The following DLGAP4 variants were observed in gnomAD, a reference collection of about 807,000 sequenced individuals.
DLGAP4 encodes disks large-associated protein 4.
DLGAP4 carries 18 observed loss-of-function variants against 86.9 expected under a neutral mutation model. The ratio of observed to expected loss-of-function variants is 0.21; its 90% CI spans 0.14 to 0.31. DLGAP4 has a LOEUF of 0.31. Among genes scored for constraint, DLGAP4 ranks in the 10% least tolerant of loss-of-function variants. The probability of loss-of-function intolerance (pLI) is 1.00; values close to 1 mark genes in which losing one functional copy is unlikely to be tolerated. For synonymous variants in DLGAP4, 548 were observed against 574.3 expected, an observed-to-expected ratio of 0.95 and a Z score of 0.65; for missense variants, 1,085 against 1,362.6, an observed-to-expected ratio of 0.80 and a Z score of 3.21.
chr20:36,313,611 G>A (rs2065071743), intron 1 of DLGAP4, among the ~76,000 whole-genome samples: 1 of 152,094 alleles, frequency 6.6e-6, no homozygotes, highest in South Asian at 2.1e-4. Context: ...TGCTGGGGGG[G>A]CAGGGCCGTG....
chr20:36,403,784 G>A (rs1358156970), intron 2 of DLGAP4, among the ~76,000 whole-genome samples: 1 of 152,226 alleles, frequency 6.6e-6, no homozygotes, highest in African/African-American at 2.4e-5. Flanking sequence ...CTCTCATTAG[G>A]TTGCAGTCAG....
chr20:36,323,128 T>C (rs2065185036), intron 1 of DLGAP4, among the ~76,000 whole-genome samples: 1 of 142,016 alleles, frequency 7.0e-6, no homozygotes, highest in Admixed American at 7.6e-5. Flanking sequence ...CAGTGAGCCA[T>C]GTTCTCACCA....
intron 2 of DLGAP4, among the ~76,000 whole-genome samples, chr20:36,371,470 C>A (rs915912320): frequency 6.6e-6 from 1 of 152,206 alleles, no homozygotes; most frequent in African/African-American, 2.4e-5. Flanking sequence ...CGGTAGGAGA[C>A]CTGTGTGACA....
At chr20:36,389,931 G>T (rs2031730082) in intron 2 of DLGAP4, among the ~76,000 whole-genome samples, 1 of 152,184 alleles carries the variant, frequency 6.6e-6, no homozygotes, top group African/African-American at 2.4e-5. Flanking sequence ...AAAGGCTCTG[G>T]GGTTCAGAGG....
chr20:36,330,941 C>CTGT (rs1324070805), intron 1 of DLGAP4, among the ~76,000 whole-genome samples: 1 of 152,152 alleles, frequency 6.6e-6, no homozygotes, highest in Non-Finnish European at 1.5e-5. Flanking sequence ...GCTATTGTCA[C>CTGT]TGTTGTTGTT....
Position 36,356,382 on chromosome 20 carries a change from G to A in DLGAP4, c.-303-10663G>A, listed in dbSNP as rs1369936422. Among the ~76,000 whole-genome samples, 5 of 152,294 alleles carry A rather than the reference G, an allele frequency of 3.3e-5. No individual in the cohort carries two copies. The East Asian group carries it at 9.6e-4, about 29-fold the overall frequency. The stretch of plus-strand genomic sequence containing the variant: ...GCTGGAGTGCAATGGTGCGATCTTG[G>A]CTCACTGCAACCTCCGCCTCCTGGG... On this transcript the variant is annotated intron_variant, in intron 1 of 12. Coordinates refer to ENST00000339266, the MANE Select transcript of DLGAP4 (RefSeq NM_001365621.2).
chr20:36,360,449 T>C (rs2030478899), intron 1 of DLGAP4, among the ~76,000 whole-genome samples: 1 of 152,138 alleles, frequency 6.6e-6, no homozygotes, highest in Non-Finnish European at 1.5e-5. Context: ...ACACTCCTGG[T>C]CCCCTCCAGC....
chr20:36,366,716 G>A (rs138417872), intron 1 of DLGAP4, among the ~76,000 whole-genome samples: 108 of 152,240 alleles, frequency 7.1e-4, no homozygotes, highest in African/African-American at 2.4e-3. Context: ...TCTCCCATCC[G>A]GGGAAAAGGA....
At chr20:36,332,582 G>A (rs747935320) in intron 1 of DLGAP4, among the ~76,000 whole-genome samples, 2 of 151,996 alleles carry the variant, frequency 1.3e-5, no homozygotes, top group Non-Finnish European at 2.9e-5. Flanking sequence ...TAGAGACAGG[G>A]TTTTGCCATG....
intron 5 of DLGAP4, among the ~76,000 whole-genome samples, chr20:36,441,954 C>T (rs2033458925): frequency 6.6e-6 from 1 of 152,290 alleles, no homozygotes; most frequent in East Asian, 1.9e-4. Flanking sequence ...ACCCACCACC[C>T]GCTGCCCAGT....
intron 7 of DLGAP4, among the ~76,000 whole-genome samples, chr20:36,493,665 C>CCA (rs2035763583): frequency 6.6e-6 from 1 of 152,192 alleles, no homozygotes; most frequent in East Asian, 1.9e-4. Flanking sequence ...GCAGCCCAGC[C>CCA]CAGCCCAGCC....
intron 2 of DLGAP4, among the ~76,000 whole-genome samples, chr20:36,403,279 A>C (rs1297821177): frequency 1.3e-5 from 2 of 152,194 alleles, no homozygotes; most frequent in Non-Finnish European, 2.9e-5. Context: ...AGAGAGAGAG[A>C]AACAATGGAA....
At chr20:36,400,924 C>T (rs1454297745) in intron 2 of DLGAP4, among the ~76,000 whole-genome samples, 5 of 152,150 alleles carry the variant, frequency 3.3e-5, no homozygotes, top group African/African-American at 4.8e-5. Flanking sequence ...AGCGGGGAAT[C>T]AGAGGTGAGG....
chr20:36,360,231 A>G (rs1344367985), intron 1 of DLGAP4, among the ~76,000 whole-genome samples: 1 of 152,188 alleles, frequency 6.6e-6, no homozygotes, highest in African/African-American at 2.4e-5. Flanking sequence ...TCACACAGCT[A>G]TGAGGCGGTA....
intron 1 of DLGAP4, among the ~76,000 whole-genome samples, chr20:36,311,333 T>C (rs1346064021): frequency 6.6e-6 from 1 of 152,130 alleles, no homozygotes; most frequent in Non-Finnish European, 1.5e-5. Flanking sequence ...CATTATTTCC[T>C]GAGCCGAGGA....
chr20:36,524,456 T>G, intron 11 of DLGAP4, 115 bp downstream of exon 11: 1 of 830,152 alleles, frequency 1.2e-6, no homozygotes, highest in South Asian at 1.7e-5. Context: ...CAGCGCGGCT[T>G]CCTCATGGTG....
At chr20:36,401,869 A>G (rs1258426855) in intron 2 of DLGAP4, among the ~76,000 whole-genome samples, 1 of 152,234 alleles carries the variant, frequency 6.6e-6, no homozygotes, top group Non-Finnish European at 1.5e-5. Flanking sequence ...AATCGGGAAA[A>G]GTATTCTAGA....
intron 10 of DLGAP4, among the ~76,000 whole-genome samples, chr20:36,512,379 G>A (rs1484254566): frequency 2.0e-5 from 3 of 151,994 alleles, no homozygotes; most frequent in Non-Finnish European, 2.9e-5. Context: ...TTGATATCTT[G>A]TCCAACTGTA....
At chr20:36,498,576 C>T (rs2035986933) in intron 8 of DLGAP4, 1 of 152,592 alleles carries the variant, frequency 6.6e-6, no homozygotes, top group African/African-American at 2.4e-5. Context: ...CTCATTGCAG[C>T]TCCTTGGAGA....
Sources: allele counts gnomAD v4.1 joint callset (sites outside exome capture counted in the v4.1 genomes callset), GRCh38; gene constraint gnomAD v4.1.1; transcripts MANE v1.5; gene names NCBI Gene and HGNC (gene_info 2026-07-23, HGNC 2026-07-21).